Variants in LARGE1 observed in about 807,000 individuals in gnomAD.
LARGE1 encodes LARGE xylosyl- and glucuronyltransferase 1, also known as xylosyl- and glucuronyltransferase LARGE1.
Under a neutral mutation model 87.6 loss-of-function variants are expected in LARGE1, and 43 were observed. The observed-to-expected ratio is 0.49, with a 90% CI of 0.38 to 0.63. The LOEUF (loss-of-function observed/expected upper bound fraction) is 0.63. LARGE1 is among the 30% of genes least tolerant of loss of function. The probability of loss-of-function intolerance (pLI) is 0.00; values close to 1 mark genes in which losing one functional copy is unlikely to be tolerated. For missense variants in LARGE1, 802 were observed against 1,000.2 expected, an observed-to-expected ratio of 0.80 and a Z score of 2.67; for synonymous variants, 434 against 394.6, an observed-to-expected ratio of 1.10 and a Z score of -1.18.
At chr22:33,200,309 C>T (rs2227078) in intron 11 of LARGE1, among the ~76,000 whole-genome samples, 12,130 of 152,040 alleles carry the variant, frequency 0.08, 624 homozygotes, top group Middle Eastern at 0.19. Context: ...TACTTTACAT[C>T]CATTATAGTG....
intron 8 of LARGE1, 130 bp from the exon 9 acceptor site, chr22:33,382,174 C>T (rs942882504): frequency 1.4e-5 from 17 of 1,205,068 alleles, no homozygotes; most frequent in Middle Eastern, 2.2e-4. Flanking sequence ...CAGGCTGGCT[C>T]GCACTGTGAG....
intron 6 of LARGE1, among the ~76,000 whole-genome samples, chr22:33,491,952 T>C (rs1434846972): frequency 6.6e-6 from 1 of 152,194 alleles, no homozygotes; most frequent in African/African-American, 2.4e-5. Flanking sequence ...CCCCTTGATG[T>C]GGCCTTATGG....
chr22:33,456,918 T>A (rs940732126), intron 6 of LARGE1, among the ~76,000 whole-genome samples: 1 of 152,182 alleles, frequency 6.6e-6, no homozygotes, highest in Non-Finnish European at 1.5e-5. Flanking sequence ...CTGCAACTTA[T>A]AAAACTTGGG....
At chr22:33,419,276 C>G (rs907675089) in intron 7 of LARGE1, among the ~76,000 whole-genome samples, 2 of 151,940 alleles carry the variant, frequency 1.3e-5, no homozygotes, top group African/African-American at 2.4e-5. Flanking sequence ...CAGGTTCCTC[C>G]TTTGACACAT....
At chr22:33,825,854 T>C (rs1035331678) in intron 1 of LARGE1, among the ~76,000 whole-genome samples, 3 of 151,970 alleles carry the variant, frequency 2.0e-5, no homozygotes, top group African/African-American at 4.8e-5. Flanking sequence ...CCAGCTGCAA[T>C]TAATAAAACA....
At chr22:33,461,713 C>T (rs2068390239) in intron 6 of LARGE1, among the ~76,000 whole-genome samples, 1 of 150,890 alleles carries the variant, frequency 6.6e-6, no homozygotes, top group Admixed American at 6.6e-5. Flanking sequence ...AATGTTATGA[C>T]CTATGCCTGG....
intron 5 of LARGE1, among the ~76,000 whole-genome samples, chr22:33,592,104 A>C (rs1034438831): frequency 1.4e-4 from 5 of 35,570 alleles, no homozygotes; most frequent in African/African-American, 2.3e-4. Flanking sequence ...AGGGGAGGGA[A>C]GGGGGACAGA....
At chr22:33,136,765 G>C in the LARGE1 span, among the ~76,000 whole-genome samples, 1 of 152,126 alleles carries the variant, frequency 6.6e-6, no homozygotes, top group African/African-American at 2.4e-5. Context: ...CATGGTTGAA[G>C]TCAAGGATAA....
the LARGE1 span, among the ~76,000 whole-genome samples, chr22:33,087,763 C>T: frequency 3.5e-3 from 530 of 152,078 alleles, 4 homozygotes; most frequent in African/African-American, 0.012. Context: ...GGCGAAACCC[C>T]ATCTCTACTA....
At chr22:33,630,748 A>G (rs1202047779) in intron 3 of LARGE1, among the ~76,000 whole-genome samples, 1 of 152,244 alleles carries the variant, frequency 6.6e-6, no homozygotes. Flanking sequence ...TAAACATGGT[A>G]CACTTAGACT....
At chr22:33,293,103 T>C (rs2146006495) in intron 12 of LARGE1, among the ~76,000 whole-genome samples, 1 of 152,348 alleles carries the variant, frequency 6.6e-6, no homozygotes, top group East Asian at 1.9e-4. Flanking sequence ...TTCTCATCAC[T>C]GAGATGTGTT....
At chr22:33,142,352 A>G in the LARGE1 span, among the ~76,000 whole-genome samples, 1 of 151,804 alleles carries the variant, frequency 6.6e-6, no homozygotes, top group East Asian at 1.9e-4. Flanking sequence ...CATTCCCCCA[A>G]ACCCCTTGTT....
At chr22:33,118,864 TTTATTTTTTTCCCCTG>T in the LARGE1 span, among the ~76,000 whole-genome samples, 1 of 152,142 alleles carries the variant, frequency 6.6e-6, no homozygotes, top group Non-Finnish European at 1.5e-5. Flanking sequence ...AATGGGAGAG[TTTATTTTTTTCCCCTG>T]TGGGAGGAGG....
At chr22:33,087,906 C>G in the LARGE1 span, among the ~76,000 whole-genome samples, 1 of 152,128 alleles carries the variant, frequency 6.6e-6, no homozygotes, top group Non-Finnish European at 1.5e-5. Flanking sequence ...TGTGCTCCAG[C>G]CTGGGCAACA....
chr22:33,135,636 T>C, the LARGE1 span, among the ~76,000 whole-genome samples: 37 of 152,230 alleles, frequency 2.4e-4, no homozygotes, highest in Non-Finnish European at 3.5e-4. Context: ...GTTCAGGAGT[T>C]TGAGACCAGC....
intron 6 of LARGE1, among the ~76,000 whole-genome samples, chr22:33,462,140 G>A (rs1163135267): frequency 6.6e-6 from 1 of 152,204 alleles, no homozygotes; most frequent in Non-Finnish European, 1.5e-5. Flanking sequence ...ATGACCAGGT[G>A]TATTTGAAAA....
At chr22:33,448,354 T>C (rs73166286) in intron 6 of LARGE1, among the ~76,000 whole-genome samples, 2,391 of 152,316 alleles carry the variant, frequency 0.016, 27 homozygotes, top group Middle Eastern at 0.065. Context: ...TTCCACAATG[T>C]ACACAAATAT....
At chr22:33,912,803 T>C (rs1211398810) in intron 1 of LARGE1, among the ~76,000 whole-genome samples, 23 of 149,564 alleles carry the variant, frequency 1.5e-4, no homozygotes, top group Admixed American at 1.5e-3. Flanking sequence ...TAGATATTTC[T>C]GTTACAGTGA....
At chr22:33,153,083 G>T in the LARGE1 span, among the ~76,000 whole-genome samples, 2 of 151,890 alleles carry the variant, frequency 1.3e-5, no homozygotes, top group Non-Finnish European at 2.9e-5. Flanking sequence ...TTTATTTTCC[G>T]TATTTATCAC....
Sources: gnomAD v4.1 joint callset for allele counts (sites outside exome capture counted in the v4.1 genomes callset) on GRCh38, gnomAD v4.1.1 for gene constraint, MANE v1.5 for transcripts, NCBI Gene and HGNC (gene_info 2026-07-23, HGNC 2026-07-21) for gene names.